Variants in ADAMTSL1 observed in about 807,000 individuals in gnomAD.
ADAMTSL1 encodes the protein ADAMTS-like protein 1.
In ADAMTSL1, 126 loss-of-function variants were observed where a neutral mutation model predicts 201.8. The ratio of observed to expected loss-of-function variants is 0.62; its 90% confidence interval spans 0.54 to 0.72. The LOEUF (loss-of-function observed/expected upper bound fraction) is 0.72. Among genes scored for constraint, ADAMTSL1 ranks in the 30% least tolerant of loss-of-function variants. ADAMTSL1 has a pLI of 0.00. For synonymous variants in ADAMTSL1, 1,121 were observed against 903.4 expected (o/e 1.24, Z -4.32); for missense variants, 2,679 against 2,277.8 (o/e 1.18, Z -3.59).
At chr9:18,905,698 C>G (rs969780278) in intron 26 of ADAMTSL1, 84 bp from the exon 27 acceptor site, 3 of 1,010,126 alleles carry the variant, frequency 3.0e-6, no homozygotes, top group South Asian at 2.8e-5. Context: ...ACACAAGGAT[C>G]GTGCATGCCA....
intron 1 of ADAMTSL1, among the ~76,000 whole-genome samples, chr9:17,966,381 G>A (rs746758315): frequency 2.0e-5 from 3 of 152,096 alleles, no homozygotes; most frequent in Non-Finnish European, 2.9e-5. Context: ...GAAGTTGAAG[G>A]TGAACACCAC....
intron 2 of ADAMTSL1, among the ~76,000 whole-genome samples, chr9:18,201,209 A>G (rs1326457809): frequency 6.6e-6 from 1 of 152,162 alleles, no homozygotes; most frequent in Non-Finnish European, 1.5e-5. Flanking sequence ...AATTTGGTCC[A>G]GAAATGAATA....
intron 2 of ADAMTSL1, among the ~76,000 whole-genome samples, chr9:18,280,299 C>G (rs1832735539): frequency 6.6e-6 from 1 of 151,522 alleles, no homozygotes; most frequent in Admixed American, 6.6e-5. Context: ...AGGCCTGAAA[C>G]TTGATGCTGA....
At chr9:18,750,542 C>A (rs1291457829) in intron 15 of ADAMTSL1, among the ~76,000 whole-genome samples, 1 of 152,020 alleles carries the variant, frequency 6.6e-6, no homozygotes, top group Non-Finnish European at 1.5e-5. Flanking sequence ...TTGGGTTTTT[C>A]CAGGTTTGGG....
intron 1 of ADAMTSL1, among the ~76,000 whole-genome samples, chr9:17,987,963 A>G (rs1355444947): frequency 6.6e-6 from 1 of 152,052 alleles, no homozygotes; most frequent in East Asian, 1.9e-4. Context: ...CTTTTTTTGA[A>G]TTACATGGGC....
intron 4 of ADAMTSL1, among the ~76,000 whole-genome samples, chr9:18,589,142 G>T (rs927163865): frequency 7.2e-5 from 11 of 151,840 alleles, no homozygotes; most frequent in Non-Finnish European, 1.5e-4. Flanking sequence ...CTCCCAAAGT[G>T]CTGGGATTAC....
chr9:18,377,496 A>T (rs1469571481), intron 2 of ADAMTSL1, among the ~76,000 whole-genome samples: 2 of 152,184 alleles, frequency 1.3e-5, no homozygotes, highest in African/African-American at 2.4e-5. Flanking sequence ...TCTAAGTATA[A>T]ATTCATCAGG....
chr9:18,245,638 G>A lies in ADAMTSL1; in HGVS notation c.207+81657G>A, dbSNP rs376910923. On this transcript the variant is annotated intron_variant, in intron 2 of 29. Transcript: ENST00000680146. ...AGAAGAGAGTAGGTGGCATCCACCA[G>A]CCCTCCATTGAGTTCCCAGGACCTA... is the stretch of plus-strand genomic sequence containing the variant. 1.1e-4 allele frequency among the ~76,000 whole-genome samples: 16 copies of A among 152,140 alleles called. No individual in the cohort carries two copies. The East Asian group carries it at 3.1e-3, about 29-fold the overall frequency.
At chr9:18,043,913 C>T (rs1036741096) in intron 1 of ADAMTSL1, among the ~76,000 whole-genome samples, 5 of 150,180 alleles carry the variant, frequency 3.3e-5, no homozygotes, top group Admixed American at 1.3e-4. Flanking sequence ...CATTCCCCTT[C>T]ATTTTTTGGT....
intron 1 of ADAMTSL1, among the ~76,000 whole-genome samples, chr9:18,152,210 G>A (rs749054475): frequency 3.9e-5 from 6 of 152,050 alleles, no homozygotes; most frequent in Non-Finnish European, 8.8e-5. Context: ...TCCAGATCTC[G>A]CTACAAGAGC....
chr9:18,127,481 AACACACACACACACAC>A (rs112886805), intron 1 of ADAMTSL1, among the ~76,000 whole-genome samples: 5 of 146,138 alleles, frequency 3.4e-5, no homozygotes, highest in African/African-American at 7.8e-5. Flanking sequence ...GCACATACAC[AACACACACACACACAC>A]ACACACACAC....
At chr9:18,032,688 G>T (rs1160694632) in intron 1 of ADAMTSL1, among the ~76,000 whole-genome samples, 1 of 152,146 alleles carries the variant, frequency 6.6e-6, no homozygotes, top group African/African-American at 2.4e-5. Context: ...TCTGGGCTCC[G>T]CACAAGACCA....
intron 1 of ADAMTSL1, among the ~76,000 whole-genome samples, chr9:18,078,593 C>G (rs553953213): frequency 6.6e-6 from 1 of 152,100 alleles, no homozygotes. Context: ...TTTCTTTGGT[C>G]CTGGTGTATA....
chr9:18,127,685 G>T (rs1825796205), intron 1 of ADAMTSL1, among the ~76,000 whole-genome samples: 1 of 152,166 alleles, frequency 6.6e-6, no homozygotes, highest in Non-Finnish European at 1.5e-5. Flanking sequence ...AGTCTTCGCT[G>T]TCAGCACTGA....
chr9:18,553,027 A>C (rs1453152493), intron 3 of ADAMTSL1, among the ~76,000 whole-genome samples: 1 of 151,396 alleles, frequency 6.6e-6, no homozygotes, highest in Non-Finnish European at 1.5e-5. Flanking sequence ...AAATTTATGG[A>C]TATTTAATGT....
chr9:18,197,082 G>T (rs1349492978), intron 2 of ADAMTSL1, among the ~76,000 whole-genome samples: 1 of 152,114 alleles, frequency 6.6e-6, no homozygotes, highest in African/African-American at 2.4e-5. Flanking sequence ...TCTTCTACCA[G>T]TGAAAGCTAG....
At chr9:18,240,929 C>T (rs1031618020) in intron 2 of ADAMTSL1, among the ~76,000 whole-genome samples, 4 of 152,330 alleles carry the variant, frequency 2.6e-5, no homozygotes, top group African/African-American at 9.6e-5. Context: ...GCAGCTTCCT[C>T]ACTTCTGTCA....
At chr9:17,939,085 GCATGTGTAGCTTGATAC>G (rs763140929) in intron 1 of ADAMTSL1, among the ~76,000 whole-genome samples, 1 of 151,872 alleles carries the variant, frequency 6.6e-6, no homozygotes, top group Non-Finnish European at 1.5e-5. Flanking sequence ...TATACTTTTT[GCATGTGTAGCTTGATAC>G]CTTCCACTCA....
intron 21 of ADAMTSL1, among the ~76,000 whole-genome samples, chr9:18,824,304 C>G (rs901865505): frequency 1.3e-5 from 2 of 152,118 alleles, no homozygotes; most frequent in African/African-American, 4.8e-5. Context: ...TGTTCCACCC[C>G]TCACCTGTGT....
Sources: allele counts gnomAD v4.1 joint callset (sites outside exome capture counted in the v4.1 genomes callset), GRCh38; gene constraint gnomAD v4.1.1; transcripts MANE v1.5; gene names NCBI Gene and HGNC (gene_info 2026-07-23, HGNC 2026-07-21).